The following PCDHGA1 variants were observed in gnomAD, a reference collection of about 807,000 sequenced individuals.
The protein encoded by PCDHGA1 is protocadherin gamma-A1.
A neutral mutation model predicts 58.0 loss-of-function variants in PCDHGA1; 32 were observed. The observed-to-expected ratio is 0.55, with a 90% CI of 0.42 to 0.74. The LOEUF (loss-of-function observed/expected upper bound fraction) is 0.74, where lower values mean the gene tolerates loss of function less well. Ranked by LOEUF, PCDHGA1 falls within the 30% of genes least tolerant of loss-of-function variation. The pLI is 0.00. For synonymous variants in PCDHGA1, 498 were observed against 501.1 expected, an observed-to-expected ratio of 0.99 and a Z score of 0.08; for missense variants, 1,205 against 1,182.3, an observed-to-expected ratio of 1.02 and a Z score of -0.28.
chr5:141,474,962 A>G (rs954703806), intron 1 of PCDHGA1, among the ~76,000 whole-genome samples: 3 of 152,256 alleles, frequency 2.0e-5, no homozygotes, highest in Non-Finnish European at 4.4e-5. Flanking sequence ...CACTATCCTA[A>G]TCATTATAAT....
intron 1 of PCDHGA1, among the ~76,000 whole-genome samples, chr5:141,483,124 G>A (rs1468216170): frequency 6.6e-6 from 1 of 152,154 alleles, no homozygotes; most frequent in East Asian, 1.9e-4. Flanking sequence ...GTCTTTGTAG[G>A]AGATGAGGTG....
chr5:141,489,073 C>A lies in PCDHGA1; in HGVS notation c.2422-5734C>A, dbSNP rs2099681983. 3.2e-6 allele frequency: 1 copy of A among 315,630 alleles called. No individual in the cohort carries two copies. The highest frequency in any genetic ancestry group is 5.7e-6 in the Non-Finnish European group (1 of 173,976). 19.6% of individuals were successfully genotyped at this position (315,630 alleles called of 1,614,324 possible). A position where few individuals can be genotyped will look rare whatever the true frequency, so the allele number is the denominator to read the frequency against. ...ATTCAGCTCCCCTCCCCCCTGCCCA[C>A]CCCCGCCACTCGGTGACTAAGAACT... On this transcript the variant is annotated intron_variant, in intron 1 of 3. Coordinates refer to ENST00000517417, the MANE Select transcript of PCDHGA1 (RefSeq NM_018912.3). The surrounding 1 kb of genome is among the most constrained non-coding windows in gnomAD (Gnocchi z 4.5).
chr5:141,389,182 G>T, intron 1 of PCDHGA1: 1 of 1,614,032 alleles, frequency 6.2e-7, no homozygotes, highest in Non-Finnish European at 8.5e-7. Flanking sequence ...CTCTCCTCCA[G>T]TTCCAGCATC....
intron 1 of PCDHGA1, chr5:141,346,252 T>C: frequency 6.2e-7 from 1 of 1,614,176 alleles, no homozygotes; most frequent in East Asian, 2.2e-5. Flanking sequence ...GGCTCGCACT[T>C]TGTGGGCGCG....
chr5:141,501,013 C>A (rs1456343329), intron 2 of PCDHGA1, among the ~76,000 whole-genome samples: 6 of 151,970 alleles, frequency 3.9e-5, no homozygotes, highest in Non-Finnish European at 8.8e-5. Flanking sequence ...GGACTACAGG[C>A]ACGCGCCACC....
intron 1 of PCDHGA1, chr5:141,400,298 A>G (rs2093998591): frequency 6.2e-7 from 1 of 1,613,974 alleles, no homozygotes; most frequent in Non-Finnish European, 8.5e-7. Context: ...AGCTGCTTCC[A>G]ACCTGGTCTC....
chr5:141,350,772 C>A, intron 1 of PCDHGA1: 1 of 1,613,910 alleles, frequency 6.2e-7, no homozygotes, highest in South Asian at 1.1e-5. Flanking sequence ...ACCATCAACC[C>A]CAATCAATAC....
At chr5:141,430,950 TC>T (rs1353555538) in intron 1 of PCDHGA1, 1 of 1,609,980 alleles carries the variant, frequency 6.2e-7, no homozygotes, top group East Asian at 2.2e-5. Flanking sequence ...GAGCGCGGAG[TC>T]CGCATCATCC....
chr5:141,487,633 T>C lies in PCDHGA1; in HGVS notation c.2422-7174T>C. On this transcript the variant is annotated intron_variant, in intron 1 of 3. Transcript: ENST00000517417. The surrounding 1 kb of genome is among the most constrained non-coding windows in gnomAD (Gnocchi z 5.0). ...GGCTAGAGGTGAGACCTTTGCAGGCTCAACAAATGCTTGAGGGTTATTCTG... is the reference window on the plus strand; with the variant it reads ...GGCTAGAGGTGAGACCTTTGCAGGCCCAACAAATGCTTGAGGGTTATTCTG... 3 of 1,614,164 alleles carry C rather than the reference T, an allele frequency of 1.9e-6. No individual in the cohort carries two copies. The highest frequency in any genetic ancestry group is 2.7e-5 in the African/African-American group (2 of 75,052).
intron 1 of PCDHGA1, chr5:141,345,941 C>A (rs772670164): frequency 6.2e-7 from 1 of 1,613,582 alleles, no homozygotes; most frequent in Non-Finnish European, 8.5e-7. Context: ...TGGACAGAGA[C>A]GCGCTCAAGC....
At chr5:141,371,899 C>T in intron 1 of PCDHGA1, 1 of 1,613,414 alleles carries the variant, frequency 6.2e-7, no homozygotes, top group Non-Finnish European at 8.5e-7. Flanking sequence ...CGGGAGCTGT[C>T]GTCCTACGTG....
chr5:141,351,420 C>G (rs779349797), intron 1 of PCDHGA1: 3 of 1,611,526 alleles, frequency 1.9e-6, no homozygotes, highest in Non-Finnish European at 1.7e-6. Flanking sequence ...GAAGAAGTTC[C>G]TTTCAAATTA....
chr5:141,504,510 C>T (rs2099838864), intron 2 of PCDHGA1, among the ~76,000 whole-genome samples: 1 of 151,952 alleles, frequency 6.6e-6, no homozygotes, highest in Non-Finnish European at 1.5e-5. Context: ...GAGTGGATCT[C>T]CTCTGATATA....
chr5:141,426,173 G>A (rs2096919271), intron 1 of PCDHGA1: 1 of 155,348 alleles, frequency 6.4e-6, no homozygotes, highest in African/African-American at 2.4e-5. Flanking sequence ...TACGGATTGG[G>A]GTGCCCTCAA....
chr5:141,464,843 A>G lies in PCDHGA1; in HGVS notation c.2422-29964A>G, dbSNP rs183890796. On this transcript the variant is annotated intron_variant, in intron 1 of 3. Coordinates refer to ENST00000517417, the MANE Select transcript of PCDHGA1 (RefSeq NM_018912.3). Reference sequence around the variant, plus strand: ...AGCCTCGCACTCCTGGGCTCAAGCAATCCTCCTACCTTAGCCTCCCAAGTA... The same window carrying G: ...AGCCTCGCACTCCTGGGCTCAAGCAGTCCTCCTACCTTAGCCTCCCAAGTA... 1.5e-3 allele frequency among the ~76,000 whole-genome samples: 231 copies of G among 152,234 alleles called. 1 individual carries two copies. Among genetic ancestry groups the G allele is most frequent in the Non-Finnish European group, 2.3e-3 (159 of 68,018 alleles).
chr5:141,413,352 G>C lies in PCDHGA1; in HGVS notation c.2421+80247G>C, dbSNP rs896091511. ...ACATCTCCAAGGACTTGGGTCTGGC[G>C]CCCCGGGAGCTGGCGGAGCGCGGAG... On this transcript the variant is annotated intron_variant, in intron 1 of 3. Coordinates refer to ENST00000517417, the MANE Select transcript of PCDHGA1 (RefSeq NM_018912.3). 1.9e-6 allele frequency: 3 copies of C among 1,613,858 alleles called. No homozygotes were observed. In the African/African-American group the frequency reaches 4.0e-5, roughly 22 times the overall value.
chr5:141,397,092 G>A (rs1422724446), intron 1 of PCDHGA1, among the ~76,000 whole-genome samples: 3 of 152,136 alleles, frequency 2.0e-5, no homozygotes, highest in South Asian at 2.1e-4. Flanking sequence ...ATTTCAGATA[G>A]GATAATAATG....
chr5:141,345,178 T>G (rs751084967), intron 1 of PCDHGA1: 40 of 1,613,768 alleles, frequency 2.5e-5, no homozygotes, highest in Non-Finnish European at 3.3e-5. Context: ...AATGGGCAGG[T>G]TGAAGTTTTT....
chr5:141,446,936 C>G (rs935365668), intron 1 of PCDHGA1, among the ~76,000 whole-genome samples: 3 of 152,176 alleles, frequency 2.0e-5, no homozygotes, highest in African/African-American at 7.2e-5. Context: ...CTCTTTTTCA[C>G]TGTAAGAAAC....
Sources: allele counts gnomAD v4.1 joint callset (sites outside exome capture counted in the v4.1 genomes callset), GRCh38; gene constraint gnomAD v4.1.1; non-coding constraint Gnocchi (gnomAD v3.1); transcripts MANE v1.5; gene names NCBI Gene and HGNC (gene_info 2026-07-23, HGNC 2026-07-21).